SPMAP2: variants seen among roughly 807,000 people sequenced by gnomAD.
SPMAP2 encodes the protein sperm microtubule associated protein 2, also known as Theg homolog.
the SPMAP2 span, chr19:374,549 T>C: frequency 7.6e-7 from 1 of 1,313,470 alleles, no homozygotes; most frequent in Middle Eastern, 2.6e-4. Context: ...GCCTCTCCTT[T>C]CCCTCGAGGG....
chr19:374,502 C>G, the SPMAP2 span: 1 of 1,579,728 alleles, frequency 6.3e-7, no homozygotes, highest in Non-Finnish European at 8.6e-7. Context: ...GTGGGTCTTG[C>G]TCAAGCGCCT....
chr19:375,713 C>T, the SPMAP2 span: 9 of 1,606,206 alleles, frequency 5.6e-6, no homozygotes, highest in Non-Finnish European at 7.6e-6. Flanking sequence ...CTCTCTCCAA[C>T]TCAGAAAGTG....
the SPMAP2 span, among the ~76,000 whole-genome samples, chr19:371,876 G>A: frequency 6.6e-6 from 1 of 152,246 alleles, no homozygotes; most frequent in Non-Finnish European, 1.5e-5. Flanking sequence ...CATTGAACAG[G>A]TCTGAGGTTA....
At chr19:373,560 G>A in the SPMAP2 span, 1 of 1,609,466 alleles carries the variant, frequency 6.2e-7, no homozygotes, top group East Asian at 2.2e-5. Context: ...TCAGGGCAAG[G>A]GAGGCAGAGA....
At chr19:372,727 T>A in the SPMAP2 span, 1 of 1,611,854 alleles carries the variant, frequency 6.2e-7, no homozygotes, top group South Asian at 1.1e-5. Context: ...ACGGAGTCAG[T>A]GAACCCCAGT....
chr19:372,688 C>G, the SPMAP2 span: 2 of 1,613,920 alleles, frequency 1.2e-6, no homozygotes, highest in Admixed American at 3.3e-5. Context: ...TTCCTCCACG[C>G]GGCGGGACAC....
the SPMAP2 span, among the ~76,000 whole-genome samples, chr19:369,428 G>A: frequency 2.0e-5 from 3 of 152,006 alleles, no homozygotes; most frequent in South Asian, 2.1e-4. Flanking sequence ...TGGAGGCCAC[G>A]ACGGGGCACA....
At chr19:373,945 G>A in the SPMAP2 span, 6 of 1,613,462 alleles carry the variant, frequency 3.7e-6, no homozygotes, top group East Asian at 8.9e-5. Flanking sequence ...CTTACCAGCA[G>A]AGACAGAAGT....
chr19:373,653 T>TAG, the SPMAP2 span: 5 of 738,520 alleles, frequency 6.8e-6, no homozygotes, highest in Middle Eastern at 3.3e-4. Context: ...GGAGAGGGGG[T>TAG]AGGCCAGAGA....
chr19:371,090 C>T, the SPMAP2 span: 7 of 575,744 alleles, frequency 1.2e-5, no homozygotes, highest in Non-Finnish European at 2.1e-5. Context: ...CAAAGGCAGC[C>T]GCCCTGTGCA....
the SPMAP2 span, chr19:374,605 C>T: frequency 1.4e-5 from 10 of 711,824 alleles, no homozygotes; most frequent in East Asian, 8.3e-5. Flanking sequence ...GGACCAACCG[C>T]AGCTCCACTG....
At chr19:374,990 C>G in the SPMAP2 span, among the ~76,000 whole-genome samples, 28 of 152,330 alleles carry the variant, frequency 1.8e-4, 1 homozygote, top group South Asian at 5.6e-3. Flanking sequence ...GGCAGAGCCC[C>G]ATGAGGGCAG....
chr19:375,128 G>T, the SPMAP2 span, among the ~76,000 whole-genome samples: 219 of 152,270 alleles, frequency 1.4e-3, no homozygotes, highest in African/African-American at 5.1e-3. Flanking sequence ...CCAGAGGTAT[G>T]TAGAGTGCGC....
chr19:372,171 C>A, the SPMAP2 span, among the ~76,000 whole-genome samples: 2 of 148,626 alleles, frequency 1.3e-5, no homozygotes, highest in South Asian at 4.2e-4. Flanking sequence ...CCTTCATACG[C>A]TGCATAAAAG....
the SPMAP2 span, chr19:361,906 C>T: frequency 1.4e-5 from 3 of 213,710 alleles, no homozygotes; most frequent in Admixed American, 6.0e-5. Context: ...GCAGGAGCGT[C>T]GGCTGGTTTG....
At chr19:362,739 C>A in the SPMAP2 span, among the ~76,000 whole-genome samples, 46 of 139,920 alleles carry the variant, frequency 3.3e-4, no homozygotes, top group Non-Finnish European at 1.2e-4. Context: ...GCACTCCAGC[C>A]TGGGCAACAG....
At chr19:372,609 C>T in the SPMAP2 span, 2 of 1,612,804 alleles carry the variant, frequency 1.2e-6, no homozygotes, top group Non-Finnish European at 1.7e-6. Flanking sequence ...TCTGAGTAGC[C>T]ACCCAGCCCT....
chr19:372,774 G>A, the SPMAP2 span: 34 of 1,451,204 alleles, frequency 2.3e-5, no homozygotes, highest in African/African-American at 6.9e-5. Flanking sequence ...TTCTGCATGC[G>A]GAATTCAGCT....
the SPMAP2 span, chr19:373,609 A>G: frequency 6.2e-6 from 9 of 1,449,498 alleles, no homozygotes; most frequent in Non-Finnish European, 8.5e-6. Flanking sequence ...GGTCTCTGCC[A>G]GGAGGGTGGC....
Sources: allele counts gnomAD v4.1 joint callset (sites outside exome capture counted in the v4.1 genomes callset), GRCh38; gene constraint gnomAD v4.1.1; transcripts MANE v1.5; gene names NCBI Gene and HGNC (gene_info 2026-07-23, HGNC 2026-07-21).